CTTNBP2NL: variants seen among roughly 807,000 people sequenced by gnomAD.
CTTNBP2NL encodes CTTNBP2 N-terminal-like protein.
A neutral mutation model predicts 32.5 loss-of-function variants in CTTNBP2NL; 16 were observed. The observed-to-expected ratio is 0.49, with a 90% CI of 0.33 to 0.75. The LOEUF (loss-of-function observed/expected upper bound fraction) is 0.75. Among genes scored for constraint, CTTNBP2NL ranks in the 30% least tolerant of loss-of-function variants. CTTNBP2NL has a pLI of 0.02. For missense variants in CTTNBP2NL, 645 were observed against 756.0 expected (o/e 0.85, Z 1.72); for synonymous variants, 298 against 289.4 (o/e 1.03, Z -0.30).
rs1292454170 is a variant in CTTNBP2NL at position 112,427,894 on chromosome 1, T to TTAA, written c.99+11630_99+11631insTAA. Among the ~76,000 whole-genome samples the TTAA allele has an allele frequency of 1.2e-4, 4 of 32,886 alleles. No homozygotes were observed. The East Asian group carries it at 5.7e-3, about 47-fold the overall frequency. 21.6% of individuals were successfully genotyped at this position (32,886 alleles called of 152,430 possible). On this transcript the variant is annotated intron_variant, in intron 3 of 5. Transcript: ENST00000271277. ...CTGGGGGACAGAGCAAGACTCTGTC[T>TTAA]CAAAAAAAAAAAAAAACAGTAAATC...
In CTTNBP2NL at chr1:112,456,461, T is replaced by C; in HGVS notation, c.969T>C (p.His323=). 1.2e-6 allele frequency: 2 copies of C among 1,614,086 alleles called. No individual in the cohort carries two copies. The highest frequency in any genetic ancestry group is 8.5e-7 in the Non-Finnish European group (1 of 1,180,010). The change falls in exon 6 of 6, where the codon CAT becomes CAC. Residue 323 remains histidine, a synonymous_variant. Coordinates refer to ENST00000271277, the MANE Select transcript of CTTNBP2NL (RefSeq NM_018704.3). ...AGAGTTTTCCAGCAGAAAGAACCCA[T>C]GGGAGCAACATAGCCAAGATGACAA... ...QTESFPAERT[H]GSNIAKMTNT... is the part of the protein sequence containing the mutation.
chr1:112,395,714 AGGCGCTTCC>A (rs1648297414), upstream of CTTNBP2NL, among the ~76,000 whole-genome samples: 1 of 142,582 alleles, frequency 7.0e-6, no homozygotes. Flanking sequence ...CCACGCCCAC[AGGCGCTTCC>A]AGAAAAAAGA....
Position 112,456,915 on chromosome 1 carries a change from C to T in CTTNBP2NL, c.1423C>T (p.Gln475Ter). 6.2e-7 allele frequency: 1 copy of T among 1,614,068 alleles called. No homozygotes were observed. The stretch of plus-strand genomic sequence containing the variant: ...TCAGTCCCAAGCAGATCAGGACCAA[C>T]AAGCCAGTGGCCTACAGAGCCCTCC... ...KFQSQADQDQ[Q>*]ASGLQSPPSR... Residue 475 changes from glutamine to a stop codon, truncating the protein, a stop_gained, in exon 6 of 6, where the codon CAA becomes TAA. Transcript: ENST00000271277. LOFTEE classifies it high-confidence loss of function.
At chr1:112,403,398 T>A (rs1476605036) in intron 1 of CTTNBP2NL, among the ~76,000 whole-genome samples, 1 of 110,504 alleles carries the variant, frequency 9.0e-6, no homozygotes, top group African/African-American at 5.7e-5. Flanking sequence ...CCAGCATTTT[T>A]TCAGTATCTG....
chr1:112,410,114 C>T (rs1419956960), intron 1 of CTTNBP2NL, among the ~76,000 whole-genome samples: 3 of 152,188 alleles, frequency 2.0e-5, no homozygotes, highest in Middle Eastern at 3.4e-3. Flanking sequence ...AAGTGTAGGC[C>T]GGGCACGGAG....
At chr1:112,430,753 A>C (rs534958421) in intron 3 of CTTNBP2NL, among the ~76,000 whole-genome samples, 71 of 150,940 alleles carry the variant, frequency 4.7e-4, no homozygotes, top group African/African-American at 1.7e-3. Flanking sequence ...ACTAAAATAC[A>C]TGTTAGTAGA....
intron 1 of CTTNBP2NL, among the ~76,000 whole-genome samples, chr1:112,398,818 A>C (rs1419531784): frequency 7.1e-5 from 4 of 56,638 alleles, no homozygotes; most frequent in African/African-American, 3.1e-4. Context: ...GTCTCTTAAC[A>C]AAAAAAAAAA....
At chr1:112,399,528 C>T (rs1270415122) in intron 1 of CTTNBP2NL, among the ~76,000 whole-genome samples, 2 of 152,046 alleles carry the variant, frequency 1.3e-5, no homozygotes, top group Non-Finnish European at 2.9e-5. Context: ...TACAATCAGT[C>T]TTCTCTGGAT....
chr1:112,412,175 A>G lies in CTTNBP2NL; in HGVS notation c.-133-19A>G, dbSNP rs1648891953. On this transcript the variant is annotated intron_variant, in intron 1 of 5. Transcript: ENST00000271277. ...TATAGTATAATCACATGAACAATAA[A>G]TTTCTCCTTATTTTGCAGCATTGGA... 6.6e-6 allele frequency: 1 copy of G among 152,122 alleles called. No individual in the cohort carries two copies. The highest frequency in any genetic ancestry group is 2.4e-5 in the African/African-American group (1 of 41,406). The allele number at this position is 152,122 out of a possible 1,614,324, so 9.4% of individuals were successfully genotyped here.
At chr1:112,442,417 A>T (rs1334117710) in intron 3 of CTTNBP2NL, among the ~76,000 whole-genome samples, 1 of 152,154 alleles carries the variant, frequency 6.6e-6, no homozygotes. Context: ...TAAAATTCTT[A>T]ATTTATATTC....
chr1:112,392,021 A>AAATAAATAAATAAACAAAC (rs1557880138), upstream of CTTNBP2NL, among the ~76,000 whole-genome samples: 2 of 131,944 alleles, frequency 1.5e-5, no homozygotes, highest in African/African-American at 7.9e-5. Flanking sequence ...AATAAATAAA[A>AAATAAATAAATAAACAAAC]TAAGTCCAAA....
At chr1:112,428,663 A>G (rs1649472535) in intron 3 of CTTNBP2NL, among the ~76,000 whole-genome samples, 1 of 152,170 alleles carries the variant, frequency 6.6e-6, no homozygotes, top group South Asian at 2.1e-4. Flanking sequence ...GGATACATAT[A>G]CACACCCATA....
chr1:112,440,982 C>T (rs1649875644), intron 3 of CTTNBP2NL, among the ~76,000 whole-genome samples: 3 of 152,172 alleles, frequency 2.0e-5, no homozygotes, highest in Admixed American at 2.0e-4. Context: ...GTATGTAAAA[C>T]ATATACTACA....
At chr1:112,400,455 G>A (rs1163126412) in intron 1 of CTTNBP2NL, among the ~76,000 whole-genome samples, 2 of 152,308 alleles carry the variant, frequency 1.3e-5, no homozygotes, top group East Asian at 3.9e-4. Context: ...GAGGCCAGGA[G>A]CTCGAGACCA....
At chr1:112,449,763 T>G (rs1018847041) in intron 4 of CTTNBP2NL, among the ~76,000 whole-genome samples, 1 of 151,438 alleles carries the variant, frequency 6.6e-6, no homozygotes, top group African/African-American at 2.4e-5. Context: ...TTTTCCATAT[T>G]TAACAAGCCC....
At chr1:112,409,825 C>G (rs909095428) in intron 1 of CTTNBP2NL, among the ~76,000 whole-genome samples, 3 of 152,088 alleles carry the variant, frequency 2.0e-5, no homozygotes, top group Non-Finnish European at 4.4e-5. Flanking sequence ...GGATAGTATC[C>G]AGAGAGGGGA....
chr1:112,422,228 A>G (rs1240910861), intron 3 of CTTNBP2NL, among the ~76,000 whole-genome samples: 1 of 152,212 alleles, frequency 6.6e-6, no homozygotes, highest in Non-Finnish European at 1.5e-5. Context: ...TATAAGTGGA[A>G]TCATATGGAA....
chr1:112,408,910 TGAG>T lies in CTTNBP2NL; in HGVS notation c.-133-3282_-133-3280del, dbSNP rs1305888299. Among the ~76,000 whole-genome samples the T allele has an allele frequency of 4.6e-5, 7 of 152,222 alleles. No individual in the cohort carries two copies. In the East Asian group the frequency reaches 1.4e-3, roughly 29 times the overall value. ...GGGAGGCTGAGGTGGGCGAATCACT[TGAG>T]GTCAGGAGTTCAAGACCAGCCTGGC... On this transcript the variant is annotated intron_variant, in intron 1 of 5. Coordinates refer to ENST00000271277, the MANE Select transcript of CTTNBP2NL (RefSeq NM_018704.3).
chr1:112,405,444 T>G (rs1239464221), intron 1 of CTTNBP2NL, among the ~76,000 whole-genome samples: 1 of 152,108 alleles, frequency 6.6e-6, no homozygotes, highest in Non-Finnish European at 1.5e-5. Context: ...ATCACAGGTG[T>G]GCGCCACCAT....
Sources: gnomAD v4.1 joint callset for allele counts (sites outside exome capture counted in the v4.1 genomes callset) on GRCh38, gnomAD v4.1.1 for gene constraint, MANE v1.5 for transcripts, NCBI Gene and HGNC (gene_info 2026-07-23, HGNC 2026-07-21) for gene names.